Variants in CADPS2 observed in about 807,000 individuals in gnomAD.
CADPS2 encodes calcium-dependent secretion activator 2.
CADPS2 carries 93 observed loss-of-function variants against 172.5 expected under a neutral mutation model. That is an observed-to-expected ratio of 0.54 (90% CI 0.46 to 0.64). The LOEUF is 0.64. CADPS2 is among the 30% of genes least tolerant of loss of function. CADPS2 has a pLI of 0.00. For missense variants in CADPS2, 1,420 were observed against 1,565.9 expected, an observed-to-expected ratio of 0.91 and a Z score of 1.57; for synonymous variants, 546 against 555.2, an observed-to-expected ratio of 0.98 and a Z score of 0.23.
intron 8 of CADPS2, among the ~76,000 whole-genome samples, chr7:122,524,906 C>T (rs1179426024): frequency 3.9e-5 from 6 of 152,168 alleles, no homozygotes; most frequent in East Asian, 1.9e-4. Context: ...CCCAGCACTT[C>T]GGAAGGCTGA....
chr7:122,798,262 A>G (rs1796836503), intron 1 of CADPS2, among the ~76,000 whole-genome samples: 2 of 152,142 alleles, frequency 1.3e-5, no homozygotes, highest in South Asian at 4.1e-4. Context: ...CCTTGACCCA[A>G]ACATCAATAC....
chr7:122,796,408 G>A (rs185535545), intron 1 of CADPS2, among the ~76,000 whole-genome samples: 43 of 152,096 alleles, frequency 2.8e-4, no homozygotes, highest in Admixed American at 1.2e-3. Context: ...AATAGCCAAG[G>A]CAACCTTAAG....
At chr7:122,715,057 C>T (rs890441799) in intron 2 of CADPS2, among the ~76,000 whole-genome samples, 2 of 152,144 alleles carry the variant, frequency 1.3e-5, no homozygotes, top group African/African-American at 2.4e-5. Flanking sequence ...GCCTCCACAA[C>T]TGTGAGAGAA....
At chr7:122,511,572 C>T (rs575779878) in intron 9 of CADPS2, among the ~76,000 whole-genome samples, 4 of 152,238 alleles carry the variant, frequency 2.6e-5, no homozygotes, top group African/African-American at 9.6e-5. Context: ...TTCTTTCATG[C>T]CTATTTCCAC....
intron 1 of CADPS2, among the ~76,000 whole-genome samples, chr7:122,819,521 C>T (rs1802499535): frequency 6.6e-6 from 1 of 152,136 alleles, no homozygotes; most frequent in Admixed American, 6.6e-5. Flanking sequence ...CTCCACATTA[C>T]CTTCTTTTCA....
intron 2 of CADPS2, chr7:122,698,969 T>TTAGG: frequency 2.4e-6 from 3 of 1,271,298 alleles, no homozygotes; most frequent in Middle Eastern, 1.9e-4. Flanking sequence ...TGCACATCTG[T>TTAGG]TGACAATTAA....
At chr7:122,705,640 A>T (rs1191365731) in intron 2 of CADPS2, among the ~76,000 whole-genome samples, 1 of 93,264 alleles carries the variant, frequency 1.1e-5, no homozygotes, top group Non-Finnish European at 1.9e-5. Context: ...ATGATATATA[A>T]TATATTATAT....
At chr7:122,638,878 G>C (rs2077326209) in intron 3 of CADPS2, among the ~76,000 whole-genome samples, 1 of 152,284 alleles carries the variant, frequency 6.6e-6, no homozygotes, top group Non-Finnish European at 1.5e-5. Flanking sequence ...TGGTTTCTTA[G>C]ATGATCCACT....
intron 1 of CADPS2, among the ~76,000 whole-genome samples, chr7:122,860,527 C>T (rs1412357506): frequency 6.6e-6 from 1 of 151,982 alleles, no homozygotes; most frequent in Admixed American, 6.6e-5. Context: ...GCCACTGTGC[C>T]CAGCCATAAT....
intron 8 of CADPS2, among the ~76,000 whole-genome samples, chr7:122,514,019 A>G (rs1435165131): frequency 6.6e-6 from 1 of 152,194 alleles, no homozygotes; most frequent in Non-Finnish European, 1.5e-5. Flanking sequence ...AATTGAAATG[A>G]TTAGCCAATC....
At chr7:122,691,099 A>G (rs1251312219) in intron 2 of CADPS2, among the ~76,000 whole-genome samples, 1 of 152,226 alleles carries the variant, frequency 6.6e-6, no homozygotes, top group Non-Finnish European at 1.5e-5. Flanking sequence ...CAGGTGCTTC[A>G]CTTCACTAAA....
At position 122,604,797 on chromosome 7, in the gene CADPS2, G is replaced by A. The variant is rs535199569; in HGVS notation, c.1223+10384C>T. ...CATTGACATTTAACATAAAACTGTG[G>A]TGTCACTCTTAAGTAAATACCATGG... On this transcript the variant is annotated intron_variant, in intron 6 of 29. Transcript: ENST00000449022. Among the ~76,000 whole-genome samples the A allele has an allele frequency of 1.4e-3, 218 of 152,146 alleles. 2 individuals carry two copies. Among genetic ancestry groups the A allele is most frequent in the African/African-American group, 4.9e-3 (205 of 41,524 alleles).
intron 1 of CADPS2, among the ~76,000 whole-genome samples, chr7:122,883,956 C>A (rs1470612082): frequency 2.0e-5 from 3 of 152,004 alleles, no homozygotes; most frequent in African/African-American, 7.3e-5. Flanking sequence ...CACCTGCTTG[C>A]CAATTCAAAT....
At chr7:122,779,087 G>A (rs573663395) in intron 1 of CADPS2, among the ~76,000 whole-genome samples, 30 of 152,092 alleles carry the variant, frequency 2.0e-4, no homozygotes, top group East Asian at 5.8e-4. Context: ...ATGTACCTTC[G>A]CTTCTCCTTT....
chr7:122,343,020 T>C lies in CADPS2; in HGVS notation c.3612+2554A>G, dbSNP rs145698138. 5.9e-3 allele frequency among the ~76,000 whole-genome samples: 902 copies of C among 152,290 alleles called. 4 individuals carry two copies. Among genetic ancestry groups the C allele is most frequent in the Non-Finnish European group, 8.5e-3 (580 of 68,010 alleles). On this transcript the variant is annotated intron_variant, in intron 28 of 29. Transcript: ENST00000449022. ...CTCAGTAATGATCTGTTGCTTAAGATACACATTCTACTTTGCCTTTCAACA... is the reference window on the plus strand; with the variant it reads ...CTCAGTAATGATCTGTTGCTTAAGACACACATTCTACTTTGCCTTTCAACA...
chr7:122,700,415 A>AT (rs1324862230), intron 2 of CADPS2, among the ~76,000 whole-genome samples: 2 of 152,116 alleles, frequency 1.3e-5, no homozygotes, highest in East Asian at 1.9e-4. Context: ...ATAAAGGTTG[A>AT]TTTTCTCTCC....
intron 1 of CADPS2, among the ~76,000 whole-genome samples, chr7:122,807,511 T>A (rs1799042102): frequency 6.6e-6 from 1 of 152,194 alleles, no homozygotes; most frequent in African/African-American, 2.4e-5. Flanking sequence ...TACAATGAGG[T>A]CTGAAACCCA....
chr7:122,638,488 G>A (rs2077288540), intron 3 of CADPS2, among the ~76,000 whole-genome samples: 1 of 152,272 alleles, frequency 6.6e-6, no homozygotes, highest in East Asian at 1.9e-4. Flanking sequence ...TTTCTGTCAA[G>A]AGGGAGTAGA....
At chr7:122,613,634 G>T (rs2074552543) in intron 6 of CADPS2, among the ~76,000 whole-genome samples, 1 of 151,552 alleles carries the variant, frequency 6.6e-6, no homozygotes, top group Non-Finnish European at 1.5e-5. Context: ...TCAGTGGTTG[G>T]TTAAGGCTGG....
Sources: gnomAD v4.1 joint callset for allele counts (sites outside exome capture counted in the v4.1 genomes callset) on GRCh38, gnomAD v4.1.1 for gene constraint, MANE v1.5 for transcripts, NCBI Gene and HGNC (gene_info 2026-07-23, HGNC 2026-07-21) for gene names.